The following SLC9A9 variants were observed in gnomAD, a reference collection of about 807,000 sequenced individuals.
SLC9A9 encodes the protein sodium/hydrogen exchanger 9.
A neutral mutation model predicts 77.8 loss-of-function variants in SLC9A9; 62 were observed. The ratio of observed to expected loss-of-function variants is 0.80; its 90% CI spans 0.65 to 0.98. The LOEUF is 0.98. Among genes scored for constraint, SLC9A9 ranks in the 50% least tolerant of loss-of-function variants. SLC9A9 has a pLI of 0.00. For missense variants in SLC9A9, 775 were observed against 774.9 expected (o/e 1.00, Z 0.00); for synonymous variants, 320 against 283.5 (o/e 1.13, Z -1.29).
intron 14 of SLC9A9, among the ~76,000 whole-genome samples, chr3:143,290,283 T>C (rs6775018): frequency 0.097 from 14,785 of 152,206 alleles, 2,228 homozygotes; most frequent in African/African-American, 0.32. Context: ...ATCATGGCAT[T>C]TGTCACACCT....
intron 14 of SLC9A9, among the ~76,000 whole-genome samples, chr3:143,318,992 C>T (rs1211316811): frequency 6.6e-6 from 1 of 152,162 alleles, no homozygotes; most frequent in East Asian, 1.9e-4. Context: ...ACCTTGATTT[C>T]TTATAACAAA....
rs958334236 is a variant in SLC9A9, at chr3:143,266,200, G to A, written c.*502C>T. ...CTCTGGGCTCTGCCCTGGGGTCACT[G>A]AGAGCAAATGGGAGTCAAGTCCTCA... On this transcript the variant is annotated 3_prime_UTR_variant, in exon 16 of 16. Coordinates refer to ENST00000316549, the MANE Select transcript of SLC9A9 (RefSeq NM_173653.4). 1 of 667,376 alleles carries A rather than the reference G, an allele frequency of 1.5e-6. No individual in the cohort carries two copies. The highest frequency in any genetic ancestry group is 2.7e-6 in the Non-Finnish European group (1 of 369,334). The allele number at this position is 667,376 out of a possible 1,614,324, so 41.3% of individuals were successfully genotyped here. A position where few individuals can be genotyped will look rare whatever the true frequency, so the allele number is the denominator to read the frequency against.
At chr3:143,328,773 A>AT (rs1576427903) in intron 14 of SLC9A9, among the ~76,000 whole-genome samples, 1 of 152,002 alleles carries the variant, frequency 6.6e-6, no homozygotes, top group Admixed American at 6.6e-5. Context: ...GATTAGCTTG[A>AT]TTTTTCCCCC....
chr3:143,443,361 AAT>A (rs998190030), intron 12 of SLC9A9, among the ~76,000 whole-genome samples: 9 of 152,042 alleles, frequency 5.9e-5, no homozygotes, highest in Admixed American at 2.0e-4. Context: ...TTTTCAGCAT[AAT>A]AGTGTTTTAA....
At chr3:143,361,440 C>T (rs962018482) in intron 14 of SLC9A9, among the ~76,000 whole-genome samples, 4 of 152,082 alleles carry the variant, frequency 2.6e-5, no homozygotes, top group African/African-American at 9.7e-5. Context: ...GACACATTGC[C>T]TGGGTTCTGG....
intron 14 of SLC9A9, among the ~76,000 whole-genome samples, chr3:143,303,624 A>C (rs1559859542): frequency 6.6e-6 from 1 of 152,174 alleles, no homozygotes; most frequent in East Asian, 1.9e-4. Context: ...CTTTGGAAAG[A>C]TATTATTTGC....
chr3:143,320,771 C>T (rs576160818), intron 14 of SLC9A9, among the ~76,000 whole-genome samples: 1 of 152,280 alleles, frequency 6.6e-6, no homozygotes, highest in South Asian at 2.1e-4. Flanking sequence ...ATGTTCAAGC[C>T]TTAACCCCTA....
intron 2 of SLC9A9, among the ~76,000 whole-genome samples, chr3:143,798,169 T>C (rs2008442828): frequency 6.6e-6 from 1 of 152,212 alleles, no homozygotes; most frequent in South Asian, 2.1e-4. Context: ...GGCGCCACAC[T>C]TCAATCTCTC....
rs552413200 is a variant in SLC9A9 at position 143,841,268 on chromosome 3, T to G, written c.175+6880A>C. On this transcript the variant is annotated intron_variant, in intron 1 of 15. Transcript: ENST00000316549. ...AGCAGATGACCACATGAAGCCAAAC[T>G]GCTAAGGTTTGAGACCTAGCCCTGG... 2.0e-5 allele frequency among the ~76,000 whole-genome samples: 3 copies of G among 152,248 alleles called. No homozygotes were observed. In the South Asian group the frequency reaches 6.2e-4, roughly 32 times the overall value.
intron 2 of SLC9A9, among the ~76,000 whole-genome samples, chr3:143,807,956 A>G (rs1040554907): frequency 1.3e-5 from 2 of 152,184 alleles, no homozygotes; most frequent in African/African-American, 4.8e-5. Flanking sequence ...TCGATGCTTT[A>G]AGAAAGTCAC....
At position 143,296,180 on chromosome 3, in the gene SLC9A9, T is replaced by C. The variant is rs139440786; in HGVS notation, c.1605-27200A>G. Among the ~76,000 whole-genome samples, 158 of 152,340 alleles carry C rather than the reference T, an allele frequency of 1.0e-3. 1 individual carries two copies. The highest frequency in any genetic ancestry group is 3.7e-3 in the African/African-American group (154 of 41,578). ...GAGTAGATTTCCTAGATACTATTCA[T>C]CTTGTGTAACTGAAGCTATGCCAAT... On this transcript the variant is annotated intron_variant, in intron 14 of 15. Transcript: ENST00000316549.
In SLC9A9 at chr3:143,325,538, A is replaced by G. The variant is rs143575005; in HGVS notation, c.1604+37946T>C. ...GACTGCATGCTTCCAAGGCCATGGC[A>G]CTGTCTTCCACACCACATGGGCAAA... On this transcript the variant is annotated intron_variant, in intron 14 of 15. Coordinates refer to ENST00000316549, the MANE Select transcript of SLC9A9 (RefSeq NM_173653.4). Among the ~76,000 whole-genome samples the G allele has an allele frequency of 2.1e-3, 317 of 152,288 alleles. 1 individual carries two copies. Among genetic ancestry groups the G allele is most frequent in the African/African-American group, 7.3e-3 (304 of 41,564 alleles).
In SLC9A9 at chr3:143,334,234, TAGG is replaced by T. The variant is rs542322690; in HGVS notation, c.1604+29247_1604+29249del. On this transcript the variant is annotated intron_variant, in intron 14 of 15. Transcript: ENST00000316549. ...TTATAAAGCCCATGAACTTGTCTCTTAGGAGATGTCTGGATCCGCCTATAGGTG... is the reference window on the plus strand; with the variant it reads ...TTATAAAGCCCATGAACTTGTCTCTTAGATGTCTGGATCCGCCTATAGGTG... Among the ~76,000 whole-genome samples the T allele has an allele frequency of 5.3e-3, 805 of 152,332 alleles. 7 individuals carry two copies. The highest frequency in any genetic ancestry group is 0.027 in the Middle Eastern group (8 of 294).
chr3:143,734,347 G>A (rs929723005), intron 4 of SLC9A9, among the ~76,000 whole-genome samples: 14 of 152,262 alleles, frequency 9.2e-5, no homozygotes, highest in South Asian at 2.1e-4. Context: ...TGATTTATGT[G>A]TGTGCCTGTG....
chr3:143,268,809 T>C, intron 15 of SLC9A9, 66 bp downstream of exon 15: 3 of 1,125,970 alleles, frequency 2.7e-6, no homozygotes, highest in Middle Eastern at 2.3e-4. Context: ...CCTGGGCTCA[T>C]CGATATTCAC....
intron 2 of SLC9A9, among the ~76,000 whole-genome samples, chr3:143,810,500 T>C (rs962779401): frequency 9.2e-5 from 14 of 152,216 alleles, no homozygotes; most frequent in Non-Finnish European, 2.1e-4. Context: ...CAAATGCAAT[T>C]ATCCCCATTT....
intron 14 of SLC9A9, among the ~76,000 whole-genome samples, chr3:143,347,523 T>C (rs1429048906): frequency 6.6e-6 from 1 of 152,182 alleles, no homozygotes; most frequent in East Asian, 1.9e-4. Context: ...ACTACATCTC[T>C]TTAAGGTCCA....
chr3:143,711,014 A>G (rs1461196733), intron 4 of SLC9A9, among the ~76,000 whole-genome samples: 1 of 152,242 alleles, frequency 6.6e-6, no homozygotes, highest in Non-Finnish European at 1.5e-5. Flanking sequence ...AGGATGTTAC[A>G]CTATTTACTC....
chr3:143,573,618 C>T (rs900005747), intron 8 of SLC9A9, among the ~76,000 whole-genome samples: 2 of 152,126 alleles, frequency 1.3e-5, no homozygotes, highest in South Asian at 4.1e-4. Flanking sequence ...TGTTTGTTTT[C>T]CTACCTGCCA....
Sources: gnomAD v4.1 joint callset for allele counts (sites outside exome capture counted in the v4.1 genomes callset) on GRCh38, gnomAD v4.1.1 for gene constraint, MANE v1.5 for transcripts, NCBI Gene and HGNC (gene_info 2026-07-23, HGNC 2026-07-21) for gene names.